The following SLC26A5 variants were observed in gnomAD, a reference collection of about 807,000 sequenced individuals.
SLC26A5 encodes the protein prestin.
SLC26A5 carries 51 observed loss-of-function variants against 81.0 expected under a neutral mutation model. The observed-to-expected ratio is 0.63, with a 90% CI of 0.50 to 0.80. The LOEUF is 0.80. Among genes scored for constraint, SLC26A5 ranks in the 30% least tolerant of loss-of-function variants. SLC26A5 has a pLI of 0.00. For missense variants in SLC26A5, 771 were observed against 905.8 expected (o/e 0.85, Z 1.91); for synonymous variants, 325 against 332.8 (o/e 0.98, Z 0.25).
At position 103,411,566 on chromosome 7, in the gene SLC26A5, G is replaced by C; in HGVS notation, c.424C>G (p.Leu142Val). 6.2e-7 allele frequency: 1 copy of C among 1,614,074 alleles called. No homozygotes were observed. The highest frequency in any genetic ancestry group is 1.3e-5 in the African/African-American group (1 of 75,028). Residue 142 changes from leucine (L) to valine (V), a missense_variant, in exon 6 of 20, where the codon CTG (leucine) becomes GTG (valine). Coordinates refer to ENST00000306312, the MANE Select transcript of SLC26A5 (RefSeq NM_198999.3). Reference protein sequence around the residue: ...ISIGPFAVISLMIGGVAVRLV... With the variant: ...ISIGPFAVISVMIGGVAVRLV... Reference sequence around the variant, plus strand: ...CGAACAGCTACACCACCAATCATCAGGCTAATAACAGCAAAAGGACCTGAA... The same window carrying C: ...CGAACAGCTACACCACCAATCATCACGCTAATAACAGCAAAAGGACCTGAA...
chr7:103,424,244 G>A (rs1484219320), intron 2 of SLC26A5, among the ~76,000 whole-genome samples: 2 of 152,070 alleles, frequency 1.3e-5, no homozygotes, highest in African/African-American at 4.8e-5. Context: ...TTTTCTGTGA[G>A]GTCTCCCCTC....
intron 4 of SLC26A5, among the ~76,000 whole-genome samples, chr7:103,414,267 C>A (rs773566097): frequency 6.6e-6 from 1 of 151,214 alleles, no homozygotes; most frequent in African/African-American, 2.4e-5. Flanking sequence ...CTCAATGCAG[C>A]CACAACCTCC....
rs1824625544 is a variant in SLC26A5, at chr7:103,412,995, C to A, written c.403+7G>T. 2.6e-6 allele frequency: 4 copies of A among 1,567,596 alleles called. No homozygotes were observed. The African/African-American group carries it at 4.1e-5, about 16-fold the overall frequency. ...AAGGTAATAGAATATCAAATGTAAG[C>A]TTTTACCTATGGATATGTGTCTGGA... On this transcript the variant is annotated splice_region_variant and intron_variant, in intron 5 of 19. Coordinates refer to ENST00000306312, the MANE Select transcript of SLC26A5 (RefSeq NM_198999.3).
intron 19 of SLC26A5, chr7:103,363,215 T>C (rs944763744): frequency 7.3e-6 from 5 of 685,978 alleles, no homozygotes; most frequent in Admixed American, 2.9e-5. Flanking sequence ...CACTGGGCAA[T>C]GTATTCAATT....
At chr7:103,373,779 T>A (rs1041362961), downstream of SLC26A5, among the ~76,000 whole-genome samples, 1 of 152,204 alleles carries the variant, frequency 6.6e-6, no homozygotes, top group Non-Finnish European at 1.5e-5. Context: ...TTACTTTGGT[T>A]AAAAATGTAA....
chr7:103,404,525 T>A (rs1222205166), intron 8 of SLC26A5, among the ~76,000 whole-genome samples: 1 of 152,260 alleles, frequency 6.6e-6, no homozygotes, highest in African/African-American at 2.4e-5. Flanking sequence ...GTCTTCTGGC[T>A]TGTAGGGTGT....
At chr7:103,371,909 C>A (rs1455214966), downstream of SLC26A5, among the ~76,000 whole-genome samples, 10 of 151,316 alleles carry the variant, frequency 6.6e-5, no homozygotes, top group Admixed American at 5.9e-4. Flanking sequence ...GATGGCCAGG[C>A]TGGTCTTGAA....
chr7:103,441,121 GAA>G (rs1291118562), intron 2 of SLC26A5, among the ~76,000 whole-genome samples: 1 of 152,162 alleles, frequency 6.6e-6, no homozygotes, highest in Non-Finnish European at 1.5e-5. Context: ...AATCGAGAAA[GAA>G]AAGAGAGAAA....
chr7:103,422,918 A>G (rs1015224341), intron 2 of SLC26A5, among the ~76,000 whole-genome samples: 1 of 151,684 alleles, frequency 6.6e-6, no homozygotes, highest in Non-Finnish European at 1.5e-5. Context: ...GGTCAATACA[A>G]CTCCTTCACA....
chr7:103,370,382 C>A (rs796423092), downstream of SLC26A5, among the ~76,000 whole-genome samples: 1 of 151,148 alleles, frequency 6.6e-6, no homozygotes, highest in African/African-American at 2.4e-5. Flanking sequence ...CAAGGGCACA[C>A]CCCCACCCCC....
At chr7:103,430,041 GGGT>G (rs940631974) in intron 2 of SLC26A5, among the ~76,000 whole-genome samples, 1 of 151,458 alleles carries the variant, frequency 6.6e-6, no homozygotes, top group African/African-American at 2.4e-5. Context: ...GCAGAGCCTA[GGGT>G]TCAGGACTGT....
At chr7:103,392,846 G>A (rs1822778715) in intron 10 of SLC26A5, 73 bp downstream of exon 10, 1 of 1,591,614 alleles carries the variant, frequency 6.3e-7, no homozygotes, top group African/African-American at 1.3e-5. Flanking sequence ...CGAAGTGCTG[G>A]GATTACAGGC....
Position 103,391,602 on chromosome 7 carries a change from G to T in SLC26A5, c.1233+20C>A. 3 of 1,578,936 alleles carry T rather than the reference G, an allele frequency of 1.9e-6. No individual in the cohort carries two copies. The highest frequency in any genetic ancestry group is 2.6e-6 in the Non-Finnish European group (3 of 1,148,008). ...TTACCACCCATATCATCAGGTCTTAGAGGCCTGTTATGTACATACCTGTGT... is the reference window on the plus strand; with the variant it reads ...TTACCACCCATATCATCAGGTCTTATAGGCCTGTTATGTACATACCTGTGT... On this transcript the variant is annotated intron_variant, in intron 11 of 19. Coordinates refer to ENST00000306312, the MANE Select transcript of SLC26A5 (RefSeq NM_198999.3).
chr7:103,366,771 A>G (rs1417162945), intron 19 of SLC26A5, among the ~76,000 whole-genome samples: 2 of 152,098 alleles, frequency 1.3e-5, no homozygotes, highest in Non-Finnish European at 2.9e-5. Flanking sequence ...GGCTTCACAG[A>G]TTTGATGAAA....
chr7:103,372,335 C>T (rs187124661), downstream of SLC26A5, among the ~76,000 whole-genome samples: 1 of 152,344 alleles, frequency 6.6e-6, no homozygotes, highest in Non-Finnish European at 1.5e-5. Context: ...GCTAACAATT[C>T]TACTGGGATC....
intron 1 of SLC26A5, chr7:103,445,664 G>A (rs1032122762): frequency 6.6e-6 from 1 of 152,414 alleles, no homozygotes; most frequent in African/African-American, 2.4e-5. Flanking sequence ...CCCGGCACAG[G>A]AGGAGGCAGG....
chr7:103,445,661 CAGG>C (rs1827249524), intron 1 of SLC26A5: 1 of 152,334 alleles, frequency 6.6e-6, no homozygotes, highest in African/African-American at 2.4e-5. Flanking sequence ...CAGCCCGGCA[CAGG>C]AGGAGGCAGG....
chr7:103,408,351 T>C (rs1045240510), intron 7 of SLC26A5, among the ~76,000 whole-genome samples: 4 of 152,048 alleles, frequency 2.6e-5, no homozygotes, highest in African/African-American at 9.7e-5. Flanking sequence ...CTCAGCCTCC[T>C]GAGTAGCTGG....
chr7:103,355,366 A>G (rs923646571), intron 19 of SLC26A5, among the ~76,000 whole-genome samples: 16 of 152,216 alleles, frequency 1.1e-4, no homozygotes, highest in African/African-American at 3.9e-4. Context: ...AAAATGTCAA[A>G]TGTGGCATTA....
Sources: gnomAD v4.1 joint callset for allele counts (sites outside exome capture counted in the v4.1 genomes callset) on GRCh38, gnomAD v4.1.1 for gene constraint, MANE v1.5 for transcripts, NCBI Gene and HGNC (gene_info 2026-07-23, HGNC 2026-07-21) for gene names.